MTCL1: variants seen among roughly 807,000 people sequenced by gnomAD.
The protein encoded by MTCL1 is microtubule crosslinking factor 1.
Under a neutral mutation model 141.4 loss-of-function variants are expected in MTCL1, and 79 were observed. The ratio of observed to expected loss-of-function variants is 0.56; its 90% confidence interval spans 0.47 to 0.67. MTCL1 has a LOEUF of 0.67. Among genes scored for constraint, MTCL1 ranks in the 30% least tolerant of loss-of-function variants. The pLI is 0.00. For missense variants in MTCL1, 2,177 were observed against 2,113.9 expected (o/e 1.03, Z -0.59); for synonymous variants, 914 against 875.8 (o/e 1.04, Z -0.77).
At position 8,705,939 on chromosome 18, in the gene MTCL1, G is replaced by C. The variant is rs1239370377; in HGVS notation, c.279G>C (p.Ala93=). Residue 93 remains alanine (A), a synonymous_variant, in exon 1 of 14, where the codon GCG becomes GCC. Transcript: ENST00000306329. The surrounding 1 kb of genome is among the most constrained non-coding windows in gnomAD (Gnocchi z 5.2). ...CGCCCTCGCCGGGGTCCCTGGCCGC[G>C]CCCGGCCGCCTCTCTCGGCGCAGTG... 1.8e-6 allele frequency: 2 copies of C among 1,090,478 alleles called. No homozygotes were observed. Among genetic ancestry groups the C allele is most frequent in the Non-Finnish European group, 2.2e-6 (2 of 900,058 alleles). 67.6% of individuals were successfully genotyped at this position (1,090,478 alleles called of 1,614,324 possible).
intron 4 of MTCL1, among the ~76,000 whole-genome samples, chr18:8,736,631 A>G (rs2096275666): frequency 7.3e-6 from 1 of 136,366 alleles, no homozygotes; most frequent in African/African-American, 2.7e-5. Flanking sequence ...TTCTATATCC[A>G]TGTATTTTTT....
intron 12 of MTCL1, among the ~76,000 whole-genome samples, chr18:8,818,686 G>A (rs2076741528): frequency 1.3e-5 from 2 of 152,210 alleles, no homozygotes; most frequent in South Asian, 2.1e-4. Context: ...TCAGAGTTAT[G>A]TACAATAACA....
exon 4 of MTCL1, chr18:8,720,365 C>T (rs1198295373): frequency 6.2e-7 from 1 of 1,614,022 alleles, no homozygotes; most frequent in African/African-American, 1.3e-5. Context: ...TGTCAGATTG[C>T]ACCACGAACT....
chr18:8,762,242 C>T (rs2096435967), intron 4 of MTCL1, among the ~76,000 whole-genome samples: 1 of 152,178 alleles, frequency 6.6e-6, no homozygotes, highest in Non-Finnish European at 1.5e-5. Context: ...GACACCTCGC[C>T]GAATGGCATC....
chr18:8,726,896 C>T (rs1465095663), intron 4 of MTCL1, among the ~76,000 whole-genome samples: 3 of 152,114 alleles, frequency 2.0e-5, no homozygotes, highest in African/African-American at 4.8e-5. Flanking sequence ...ACCCACCACC[C>T]GAACGGTGAC....
At chr18:8,813,360 AAGAG>A in intron 12 of MTCL1, 127 bp downstream of exon 11, 2 of 1,141,572 alleles carry the variant, frequency 1.8e-6, no homozygotes, top group Non-Finnish European at 2.4e-6. Flanking sequence ...CTTCCAAAGG[AAGAG>A]AGAGAAATTC....
intron 4 of MTCL1, among the ~76,000 whole-genome samples, chr18:8,744,150 G>A (rs745566120): frequency 2.0e-5 from 3 of 152,228 alleles, no homozygotes; most frequent in Non-Finnish European, 4.4e-5. Context: ...GCAAATGACA[G>A]AGAGCTGAGT....
chr18:8,729,666 G>C (rs565742790), intron 4 of MTCL1, among the ~76,000 whole-genome samples: 1 of 86,290 alleles, frequency 1.2e-5, no homozygotes, highest in Non-Finnish European at 2.3e-5. Context: ...GGCTTCCCAA[G>C]AAGACAAATA....
upstream of MTCL1, chr18:8,705,605 G>A: frequency 8.3e-7 from 1 of 1,206,902 alleles, no homozygotes; most frequent in Non-Finnish European, 1.0e-6. The surrounding 1 kb of genome is among the most constrained non-coding windows in gnomAD (Gnocchi z 5.2). Flanking sequence ...CGCCGCCGCC[G>A]CCGCCGTCGT....
At chr18:8,726,526 AGCGAGTGCGCATGC>A (rs1567945284) in intron 4 of MTCL1, among the ~76,000 whole-genome samples, 3 of 120,674 alleles carry the variant, frequency 2.5e-5, no homozygotes, top group African/African-American at 9.8e-5. Flanking sequence ...AGCGAGAGAG[AGCGAGTGCGCATGC>A]GCGCGCGCAA....
Position 8,783,679 on chromosome 18 carries a change from TC to T in MTCL1, c.571del (p.Leu191CysfsTer17). ...AGTCCCTCTATGGGGATGTGGACAG[TC>T]CCCTGCCCACGGGGGAAGCAGGCGG... On this transcript the variant is annotated frameshift_variant, in exon 6 of 17. Coordinates refer to ENST00000359865, the Ensembl canonical transcript of MTCL1. LOFTEE classifies it high-confidence loss of function. 2 of 1,611,334 alleles carry T rather than the reference TC, an allele frequency of 1.2e-6. No individual in the cohort carries two copies. The highest frequency in any genetic ancestry group is 1.7e-6 in the Non-Finnish European group (2 of 1,178,626).
intron 4 of MTCL1, among the ~76,000 whole-genome samples, chr18:8,743,954 C>T (rs138544997): frequency 6.6e-6 from 1 of 152,364 alleles, no homozygotes; most frequent in Admixed American, 6.5e-5. Flanking sequence ...CTTACATTTG[C>T]ATAGTTGAGA....
chr18:8,788,204 C>T (rs2075587554), intron 7 of MTCL1, among the ~76,000 whole-genome samples: 1 of 152,182 alleles, frequency 6.6e-6, no homozygotes, highest in Admixed American at 6.5e-5. Flanking sequence ...TTCATGCAGA[C>T]TGAGGCAGGG....
At chr18:8,733,167 C>A (rs1025578078) in intron 4 of MTCL1, among the ~76,000 whole-genome samples, 1 of 152,302 alleles carries the variant, frequency 6.6e-6, no homozygotes, top group African/African-American at 2.4e-5. Flanking sequence ...GGGCGCAGGG[C>A]AGCCCTCGGG....
At chr18:8,781,761 C>G (rs1314402898) in intron 5 of MTCL1, among the ~76,000 whole-genome samples, 1 of 152,234 alleles carries the variant, frequency 6.6e-6, no homozygotes, top group Non-Finnish European at 1.5e-5. Context: ...CACCGGGGCT[C>G]TGTGATGAGC....
At chr18:8,706,959 C>G (rs1318065677) in intron 1 of MTCL1, 14 of 559,656 alleles carry the variant, frequency 2.5e-5, no homozygotes, top group East Asian at 1.4e-4. Context: ...ACTCTTGCGT[C>G]TCTTCGCTGA....
chr18:8,756,337 GTGTGTATATATA>G (rs2096397742), intron 4 of MTCL1, among the ~76,000 whole-genome samples: 1 of 150,078 alleles, frequency 6.7e-6, no homozygotes, highest in African/African-American at 2.5e-5. Context: ...ATATATATGT[GTGTGTATATATA>G]TGTGTATATA....
chr18:8,803,033 G>A (rs998685003), intron 10 of MTCL1, among the ~76,000 whole-genome samples: 6 of 152,064 alleles, frequency 3.9e-5, no homozygotes, highest in African/African-American at 1.2e-4. Flanking sequence ...GTACCACCAG[G>A]GGAAGAAAAT....
chr18:8,819,694 C>T (rs1330249814), intron 13 of MTCL1, among the ~76,000 whole-genome samples: 1 of 151,708 alleles, frequency 6.6e-6, no homozygotes, highest in East Asian at 1.9e-4. Flanking sequence ...CCGTGACCTC[C>T]TAGGCTCAAT....
Sources: allele counts gnomAD v4.1 joint callset (sites outside exome capture counted in the v4.1 genomes callset), GRCh38; gene constraint gnomAD v4.1.1; non-coding constraint Gnocchi (gnomAD v3.1); transcripts MANE v1.5; gene names NCBI Gene and HGNC (gene_info 2026-07-23, HGNC 2026-07-21).